Variants in NRG1 observed in about 807,000 individuals in gnomAD.
The protein encoded by NRG1 is neuregulin 1, also known as pro-neuregulin-1, membrane-bound isoform.
Under a neutral mutation model 63.8 loss-of-function variants are expected in NRG1, and 18 were observed. The ratio of observed to expected loss-of-function variants is 0.28; its 90% CI spans 0.19 to 0.42. The LOEUF (loss-of-function observed/expected upper bound fraction) is 0.42, where lower values mean the gene tolerates loss of function less well. Ranked by LOEUF, NRG1 falls within the 10% of genes least tolerant of loss-of-function variation. NRG1 has a pLI of 1.00. For synonymous variants in NRG1, 302 were observed against 301.3 expected, an observed-to-expected ratio of 1.00 and a Z score of -0.02; for missense variants, 762 against 814.7, an observed-to-expected ratio of 0.94 and a Z score of 0.79.
chr8:32,634,620 A>G (rs537819020), intron 5 of NRG1, among the ~76,000 whole-genome samples: 1 of 152,206 alleles, frequency 6.6e-6, no homozygotes, highest in Non-Finnish European at 1.5e-5. Flanking sequence ...AGAAACTGTA[A>G]TATGTATGTG....
intron 1 of NRG1, among the ~76,000 whole-genome samples, chr8:32,381,832 A>C (rs2129483374): frequency 6.6e-6 from 1 of 152,376 alleles, no homozygotes; most frequent in Admixed American, 6.5e-5. Flanking sequence ...CTGAAACATT[A>C]TTGAAATTTA....
At chr8:32,727,259 T>C (rs913409536) in intron 5 of NRG1, among the ~76,000 whole-genome samples, 14 of 152,210 alleles carry the variant, frequency 9.2e-5, no homozygotes, top group Non-Finnish European at 1.6e-4. Context: ...AGATATTTTG[T>C]AGTGCTTTAG....
chr8:32,755,745 G>A (rs372345325), intron 8 of NRG1, among the ~76,000 whole-genome samples: 1 of 146,566 alleles, frequency 6.8e-6, no homozygotes, highest in African/African-American at 2.7e-5. Context: ...AAATTCTACA[G>A]CACATTTTTT....
At chr8:31,911,506 T>C (rs1832940922) in intron 1 of NRG1, among the ~76,000 whole-genome samples, 1 of 152,180 alleles carries the variant, frequency 6.6e-6, no homozygotes, top group South Asian at 2.1e-4. Flanking sequence ...ATACCTCATG[T>C]TCTCACTTAT....
At chr8:31,849,178 A>G (rs1826975564) in intron 1 of NRG1, among the ~76,000 whole-genome samples, 2 of 152,180 alleles carry the variant, frequency 1.3e-5, no homozygotes, top group African/African-American at 4.8e-5. Flanking sequence ...TATATCATTC[A>G]TCCAACAGGC....
intron 1 of NRG1, among the ~76,000 whole-genome samples, chr8:32,589,644 C>G (rs1443246364): frequency 6.6e-6 from 1 of 152,162 alleles, no homozygotes; most frequent in East Asian, 1.9e-4. Context: ...CTTCAGAGAC[C>G]AGAAATAACA....
intron 1 of NRG1, among the ~76,000 whole-genome samples, chr8:31,700,694 T>G (rs1350127370): frequency 1.3e-5 from 2 of 152,156 alleles, no homozygotes; most frequent in African/African-American, 4.8e-5. Context: ...CTCCAGTACA[T>G]GAAATTTGTC....
intron 1 of NRG1, among the ~76,000 whole-genome samples, chr8:32,014,795 G>A (rs920874352): frequency 2.0e-5 from 3 of 150,002 alleles, no homozygotes; most frequent in African/African-American, 7.4e-5. Flanking sequence ...GGTCTTTGCA[G>A]ATGATCATCT....
intron 1 of NRG1, among the ~76,000 whole-genome samples, chr8:32,073,527 A>G (rs370017309): frequency 2.8e-4 from 42 of 152,302 alleles, no homozygotes; most frequent in African/African-American, 9.6e-4. Context: ...CTCTGTTTTT[A>G]TGCGTCTCTC....
intron 1 of NRG1, among the ~76,000 whole-genome samples, chr8:31,733,692 G>A (rs1001710152): frequency 1.3e-5 from 2 of 152,118 alleles, no homozygotes; most frequent in Admixed American, 1.3e-4. Flanking sequence ...GGCTTGCCTG[G>A]TAATGGCAAA....
At chr8:31,919,823 A>G (rs963228129) in intron 1 of NRG1, among the ~76,000 whole-genome samples, 10 of 152,192 alleles carry the variant, frequency 6.6e-5, no homozygotes, top group African/African-American at 2.2e-4. Flanking sequence ...ATTTATTAAT[A>G]CAAGGTGGGT....
At chr8:31,938,536 G>T (rs745887588) in intron 1 of NRG1, among the ~76,000 whole-genome samples, 6 of 152,084 alleles carry the variant, frequency 3.9e-5, no homozygotes, top group Admixed American at 6.5e-5. Flanking sequence ...CAGCTCACCA[G>T]CAATGGATCC....
intron 1 of NRG1, among the ~76,000 whole-genome samples, chr8:32,573,163 C>T (rs753960706): frequency 6.6e-6 from 1 of 152,098 alleles, no homozygotes. Context: ...AAATGCAGAC[C>T]CTGCATGGAT....
rs554463212 is a variant in NRG1, at chr8:32,250,743, T to A, written c.38-345085T>A. Among the ~76,000 whole-genome samples, 508 of 152,258 alleles carry A rather than the reference T, an allele frequency of 3.3e-3. 2 individuals are homozygous for A. The highest frequency in any genetic ancestry group is 0.012 in the African/African-American group (490 of 41,566). Reference sequence around the variant, plus strand: ...AAATATTTTGCCTTCTGGTCTTTTTTTTCACACAAGTATATGGCAGATTCC... The same window carrying A: ...AAATATTTTGCCTTCTGGTCTTTTTATTCACACAAGTATATGGCAGATTCC... On this transcript the variant is annotated intron_variant, in intron 1 of 10. Coordinates refer to the NRG1 transcript ENST00000519301.
chr8:32,113,684 T>C (rs1832336247), intron 1 of NRG1, among the ~76,000 whole-genome samples: 1 of 152,244 alleles, frequency 6.6e-6, no homozygotes, highest in African/African-American at 2.4e-5. Context: ...GCAGTGGTTT[T>C]AACTGTACAT....
intron 1 of NRG1, among the ~76,000 whole-genome samples, chr8:32,530,685 T>A (rs1023643569): frequency 1.3e-5 from 2 of 152,182 alleles, no homozygotes; most frequent in African/African-American, 4.8e-5. Context: ...ATACTTTGTA[T>A]TAAGTGGTTA....
intron 1 of NRG1, among the ~76,000 whole-genome samples, chr8:32,323,008 C>T (rs1023663451): frequency 1.3e-5 from 2 of 152,094 alleles, no homozygotes. Context: ...CACCCAACAC[C>T]ACCTAACTAT....
At chr8:32,122,050 G>A (rs1451494742) in intron 1 of NRG1, among the ~76,000 whole-genome samples, 1 of 151,870 alleles carries the variant, frequency 6.6e-6, no homozygotes, top group African/African-American at 2.4e-5. Context: ...ATATCCAATG[G>A]GTAAGACTGA....
At chr8:32,200,365 G>A (rs1226384349) in intron 1 of NRG1, among the ~76,000 whole-genome samples, 5 of 152,110 alleles carry the variant, frequency 3.3e-5, no homozygotes, top group Non-Finnish European at 5.9e-5. Context: ...TCATTTCATA[G>A]AGCACGTTGT....
Sources: allele counts gnomAD v4.1 joint callset (sites outside exome capture counted in the v4.1 genomes callset), GRCh38; gene constraint gnomAD v4.1.1; transcripts MANE v1.5; gene names NCBI Gene and HGNC (gene_info 2026-07-23, HGNC 2026-07-21).